The following FAM174A variants were observed in gnomAD, a reference collection of about 807,000 sequenced individuals.
The protein encoded by FAM174A is family with sequence similarity 174 member A.
A neutral mutation model predicts 14.3 loss-of-function variants in FAM174A; 14 were observed. The ratio of observed to expected loss-of-function variants is 0.98; its 90% CI spans 0.65 to 1.53. The LOEUF is 1.53. Among genes scored for constraint, FAM174A ranks in the 40% most tolerant of loss-of-function variants. FAM174A has a pLI of 0.00. For missense variants in FAM174A, 241 were observed against 249.6 expected (o/e 0.97, Z 0.23); for synonymous variants, 108 against 111.4 (o/e 0.97, Z 0.19).
intron 1 of FAM174A, among the ~76,000 whole-genome samples, chr5:100,553,245 G>A (rs554761085): frequency 1.1e-4 from 17 of 152,118 alleles, no homozygotes; most frequent in African/African-American, 4.1e-4. Context: ...AAAAGACAAA[G>A]TAGCCTTTTT....
chr5:100,572,106 C>A (rs1444470925), intron 2 of FAM174A, among the ~76,000 whole-genome samples: 1 of 151,640 alleles, frequency 6.6e-6, no homozygotes, highest in African/African-American at 2.4e-5. Flanking sequence ...AAAATATTAT[C>A]TATATGATTT....
intron 1 of FAM174A, among the ~76,000 whole-genome samples, chr5:100,540,526 C>A (rs1224738048): frequency 6.6e-6 from 1 of 152,072 alleles, no homozygotes; most frequent in African/African-American, 2.4e-5. Flanking sequence ...TATAAAGAGA[C>A]CCAGAAACTT....
intron 1 of FAM174A, among the ~76,000 whole-genome samples, chr5:100,556,529 A>G (rs949268803): frequency 3.4e-4 from 51 of 152,174 alleles, no homozygotes; most frequent in African/African-American, 8.9e-4. Flanking sequence ...AAATTACCTT[A>G]GGCAGTATGG....
chr5:100,552,441 A>G (rs1203033760), intron 1 of FAM174A, among the ~76,000 whole-genome samples: 1 of 152,072 alleles, frequency 6.6e-6, no homozygotes, highest in Non-Finnish European at 1.5e-5. Flanking sequence ...AAAAGAAATT[A>G]AGGAATAATA....
chr5:100,539,437 T>TA (rs1363649772), intron 1 of FAM174A, among the ~76,000 whole-genome samples: 1 of 152,170 alleles, frequency 6.6e-6, no homozygotes, highest in Non-Finnish European at 1.5e-5. Flanking sequence ...CCCAACCCTA[T>TA]ACGCTAAGAC....
intron 1 of FAM174A, among the ~76,000 whole-genome samples, chr5:100,561,278 A>G (rs553942466): frequency 2.0e-5 from 3 of 151,960 alleles, no homozygotes; most frequent in Admixed American, 6.6e-5. Flanking sequence ...AAACTTGAAT[A>G]TGCATCAAAA....
chr5:100,542,629 A>G (rs928727980), intron 1 of FAM174A, among the ~76,000 whole-genome samples: 3 of 152,102 alleles, frequency 2.0e-5, no homozygotes, highest in African/African-American at 7.2e-5. Context: ...CTATCATACT[A>G]TGTGTGTGCT....
intron 1 of FAM174A, among the ~76,000 whole-genome samples, chr5:100,560,989 A>G (rs1746511824): frequency 6.6e-6 from 1 of 151,972 alleles, no homozygotes; most frequent in African/African-American, 2.4e-5. Flanking sequence ...TAATTGATAC[A>G]TCACTGTGCT....
chr5:100,557,985 G>T (rs1746431389), intron 1 of FAM174A, among the ~76,000 whole-genome samples: 2 of 152,046 alleles, frequency 1.3e-5, no homozygotes, highest in Non-Finnish European at 2.9e-5. Flanking sequence ...GCTAGCTTTT[G>T]AATGTGTTTA....
intron 2 of FAM174A, among the ~76,000 whole-genome samples, chr5:100,580,386 A>G (rs950508071): frequency 2.0e-5 from 3 of 152,234 alleles, no homozygotes; most frequent in African/African-American, 7.2e-5. Flanking sequence ...TTTACTAAGT[A>G]TTAACTCACA....
chr5:100,583,772 T>C (rs529366949), intron 2 of FAM174A, among the ~76,000 whole-genome samples: 1 of 152,290 alleles, frequency 6.6e-6, no homozygotes, highest in South Asian at 2.1e-4. Context: ...ACTTGATGGC[T>C]CTCAAGTCTT....
At chr5:100,572,718 G>T (rs942818706) in intron 2 of FAM174A, among the ~76,000 whole-genome samples, 28 of 152,198 alleles carry the variant, frequency 1.8e-4, no homozygotes, top group African/African-American at 6.7e-4. Context: ...ACATACATGT[G>T]CACGTGTCTC....
At chr5:100,554,442 G>A (rs151334483) in intron 1 of FAM174A, among the ~76,000 whole-genome samples, 26 of 148,984 alleles carry the variant, frequency 1.7e-4, no homozygotes, top group Middle Eastern at 3.6e-3. Flanking sequence ...TTAGCTTCCC[G>A]AGTAGCTGGG....
intron 2 of FAM174A, among the ~76,000 whole-genome samples, chr5:100,583,712 C>A (rs1467929419): frequency 6.6e-6 from 1 of 151,972 alleles, no homozygotes; most frequent in African/African-American, 2.4e-5. Context: ...CCTGTGAAGT[C>A]ATGTGCAACA....
chr5:100,580,860 AGACC>A (rs1746997336), intron 2 of FAM174A, among the ~76,000 whole-genome samples: 1 of 152,154 alleles, frequency 6.6e-6, no homozygotes, highest in African/African-American at 2.4e-5. Flanking sequence ...TCCTGTTAAC[AGACC>A]CACTAAGATT....
chr5:100,539,529 A>G (rs1746009992), intron 1 of FAM174A, among the ~76,000 whole-genome samples: 1 of 152,212 alleles, frequency 6.6e-6, no homozygotes, highest in South Asian at 2.1e-4. Context: ...CTAATAGCTG[A>G]TAGTTAATTG....
At chr5:100,555,803 GTTTT>G (rs200041245) in intron 1 of FAM174A, among the ~76,000 whole-genome samples, 1 of 150,616 alleles carries the variant, frequency 6.6e-6, no homozygotes, top group Admixed American at 6.6e-5. Flanking sequence ...TTTTCTTTGA[GTTTT>G]TTTCTTTTGA....
chr5:100,585,030 C>A (rs2112409244), intron 2 of FAM174A, among the ~76,000 whole-genome samples: 1 of 152,260 alleles, frequency 6.6e-6, no homozygotes, highest in East Asian at 1.9e-4. Flanking sequence ...CATGAGAGAT[C>A]ACTTTTACTG....
intron 1 of FAM174A, among the ~76,000 whole-genome samples, chr5:100,544,423 G>T (rs1746125670): frequency 6.6e-6 from 1 of 152,010 alleles, no homozygotes; most frequent in Admixed American, 6.6e-5. Context: ...GAGAGAGAGA[G>T]AGAGAGAGAG....
Sources: allele counts gnomAD v4.1 joint callset (sites outside exome capture counted in the v4.1 genomes callset), GRCh38; gene constraint gnomAD v4.1.1; transcripts MANE v1.5; gene names NCBI Gene and HGNC (gene_info 2026-07-23, HGNC 2026-07-21).